The following PHACTR1 variants were observed in gnomAD, a reference collection of about 807,000 sequenced individuals.
PHACTR1 encodes RPEL repeat containing 1.
A neutral mutation model predicts 69.2 loss-of-function variants in PHACTR1; 16 were observed. The ratio of observed to expected loss-of-function variants is 0.23; its 90% CI spans 0.16 to 0.35. The LOEUF (loss-of-function observed/expected upper bound fraction) is 0.35, where lower values mean the gene tolerates loss of function less well. PHACTR1 is among the 10% of genes least tolerant of loss of function. The pLI, the probability that PHACTR1 is intolerant of heterozygous loss-of-function variation, is 1.00. For missense variants in PHACTR1, 510 were observed against 734.7 expected, an observed-to-expected ratio of 0.69 and a Z score of 3.54; for synonymous variants, 312 against 284.5, an observed-to-expected ratio of 1.10 and a Z score of -0.97.
intron 7 of PHACTR1, among the ~76,000 whole-genome samples, chr6:13,193,021 C>A (rs1402886603): frequency 2.6e-5 from 4 of 152,056 alleles, no homozygotes. Context: ...AAAAGCAACC[C>A]CTTTAAAGAG....
chr6:13,075,644 C>G (rs556818655), intron 5 of PHACTR1, among the ~76,000 whole-genome samples: 1 of 152,190 alleles, frequency 6.6e-6, no homozygotes, highest in Non-Finnish European at 1.5e-5. Context: ...TTGCGGCCGT[C>G]CTTCTTTCTC....
At chr6:13,264,669 A>G (rs930954255) in intron 10 of PHACTR1, among the ~76,000 whole-genome samples, 1 of 152,166 alleles carries the variant, frequency 6.6e-6, no homozygotes, top group Non-Finnish European at 1.5e-5. Context: ...CAGTGAGCCG[A>G]GTTTGCACCA....
chr6:13,197,817 TCTC>T (rs1764646702), intron 7 of PHACTR1, among the ~76,000 whole-genome samples: 1 of 152,178 alleles, frequency 6.6e-6, no homozygotes, highest in African/African-American at 2.4e-5. Flanking sequence ...GCTGGGATAA[TCTC>T]CTCCTCCACA....
chr6:13,047,234 C>T (rs10948405), intron 4 of PHACTR1, among the ~76,000 whole-genome samples: 10,243 of 151,840 alleles, frequency 0.067, 895 homozygotes, highest in African/African-American at 0.2. Flanking sequence ...AAAAATTAGC[C>T]GAGTGTGGTA....
At chr6:13,240,119 T>C (rs894358767) in intron 10 of PHACTR1, among the ~76,000 whole-genome samples, 5 of 152,182 alleles carry the variant, frequency 3.3e-5, no homozygotes, top group African/African-American at 4.8e-5. Context: ...CATAGCTTTT[T>C]TAAACAACTG....
intron 11 of PHACTR1, 81 bp from the exon 12 acceptor site, chr6:13,278,187 G>T: frequency 7.4e-7 from 1 of 1,349,968 alleles, no homozygotes. Context: ...GCTTGGCCTA[G>T]AGCCTGCCAA....
intron 4 of PHACTR1, among the ~76,000 whole-genome samples, chr6:12,922,868 T>C (rs1009503503): frequency 4.6e-5 from 7 of 152,076 alleles, no homozygotes; most frequent in Non-Finnish European, 8.8e-5. Context: ...GGAGTCAGGG[T>C]ACAGGAATTA....
intron 4 of PHACTR1, among the ~76,000 whole-genome samples, chr6:12,911,277 T>C (rs1310480175): frequency 1.3e-5 from 2 of 152,164 alleles, no homozygotes; most frequent in Non-Finnish European, 2.9e-5. Context: ...GTGTTTCTTC[T>C]AGTTTCTGCA....
chr6:13,282,212 A>G (rs950504760), intron 12 of PHACTR1, among the ~76,000 whole-genome samples: 4 of 152,218 alleles, frequency 2.6e-5, no homozygotes, highest in South Asian at 4.1e-4. Flanking sequence ...TAATAGAATT[A>G]CACAGAGTCT....
At chr6:13,243,657 G>T (rs1316275390) in intron 10 of PHACTR1, among the ~76,000 whole-genome samples, 1 of 152,144 alleles carries the variant, frequency 6.6e-6, no homozygotes, top group African/African-American at 2.4e-5. Flanking sequence ...TCCATATAGT[G>T]GGGGTTTGGT....
At chr6:12,832,623 G>A (rs983333080) in intron 4 of PHACTR1, among the ~76,000 whole-genome samples, 1 of 151,832 alleles carries the variant, frequency 6.6e-6, no homozygotes, top group African/African-American at 2.4e-5. Context: ...CAATGAAGTC[G>A]CAAAGCAAGC....
In PHACTR1 at chr6:13,246,315, C is replaced by T. The variant is rs1448312941; in HGVS notation, c.1391+16122C>T. On this transcript the variant is annotated intron_variant, in intron 10 of 14. Transcript: ENST00000332995. This position sits in a 1 kb window ranked among gnomAD's most constrained non-coding sequence, Gnocchi z 4.2. ...TAAAAGGAATCCTTGAATTCTCCCA[C>T]AGATACATTCTTTCACGGCCACCAT... Among the ~76,000 whole-genome samples, 1 of 152,048 alleles carries T rather than the reference C, an allele frequency of 6.6e-6. No homozygotes were observed.
chr6:13,262,985 G>A (rs1776108105), intron 10 of PHACTR1, among the ~76,000 whole-genome samples: 1 of 152,184 alleles, frequency 6.6e-6, no homozygotes, highest in Non-Finnish European at 1.5e-5. Context: ...GCTAATGAAA[G>A]CTGTGACCTT....
intron 6 of PHACTR1, among the ~76,000 whole-genome samples, chr6:13,171,008 C>T (rs1263296694): frequency 1.3e-5 from 2 of 152,174 alleles, no homozygotes; most frequent in East Asian, 1.9e-4. Flanking sequence ...GACATAATCC[C>T]GTTTGGGCTT....
chr6:13,131,483 C>T (rs1479161541), intron 5 of PHACTR1, among the ~76,000 whole-genome samples: 1 of 152,036 alleles, frequency 6.6e-6, no homozygotes, highest in African/African-American at 2.4e-5. Context: ...AAAAACTACA[C>T]ATTGAGTACA....
At chr6:13,230,337 A>C in intron 10 of PHACTR1, 144 bp downstream of exon 10, 2 of 1,486,722 alleles carry the variant, frequency 1.3e-6, no homozygotes, top group Non-Finnish European at 1.8e-6. Context: ...GGATCACATG[A>C]GGTCAGGAGT....
At chr6:12,828,402 G>A (rs1003977325) in intron 4 of PHACTR1, among the ~76,000 whole-genome samples, 8 of 152,178 alleles carry the variant, frequency 5.3e-5, no homozygotes, top group African/African-American at 1.9e-4. Context: ...ATAGAAGGAT[G>A]TAAAATTATG....
chr6:12,757,521 G>A (rs969311340), intron 4 of PHACTR1, among the ~76,000 whole-genome samples: 2 of 152,160 alleles, frequency 1.3e-5, no homozygotes, highest in African/African-American at 2.4e-5. Flanking sequence ...GAGGGGCACC[G>A]AAGAAGCAGA....
chr6:13,010,014 T>A (rs1462732980), intron 4 of PHACTR1, among the ~76,000 whole-genome samples: 1 of 152,114 alleles, frequency 6.6e-6, no homozygotes, highest in African/African-American at 2.4e-5. Context: ...CCCACACCCC[T>A]GATGTTAAAT....
Sources: gnomAD v4.1 joint callset for allele counts (sites outside exome capture counted in the v4.1 genomes callset) on GRCh38, gnomAD v4.1.1 for gene constraint, Gnocchi (gnomAD v3.1) non-coding constraint, MANE v1.5 for transcripts, NCBI Gene and HGNC (gene_info 2026-07-23, HGNC 2026-07-21) for gene names.